Variants in UBR2 observed in about 807,000 individuals in gnomAD.
UBR2 encodes the protein E3 ubiquitin-protein ligase UBR2.
In UBR2, 92 loss-of-function variants were observed where a neutral mutation model predicts 247.9. The observed-to-expected ratio is 0.37, with a 90% CI of 0.31 to 0.44. The LOEUF (loss-of-function observed/expected upper bound fraction) is 0.44, where lower values mean the gene tolerates loss of function less well. UBR2 is among the 20% of genes least tolerant of loss of function. The pLI, the probability that UBR2 is intolerant of heterozygous loss-of-function variation, is 1.00. For synonymous variants in UBR2, 672 were observed against 693.5 expected (o/e 0.97, Z 0.49); for missense variants, 1,613 against 2,112.6 (o/e 0.76, Z 4.64).
At chr6:42,632,954 T>C in intron 13 of UBR2, 50 bp downstream of exon 13, 2 of 1,052,264 alleles carry the variant, frequency 1.9e-6, no homozygotes, top group Non-Finnish European at 2.5e-6. Flanking sequence ...TTTTTCTCTT[T>C]TCTCTTTTTT....
At chr6:42,646,817 AT>A (rs1796788106) in intron 21 of UBR2, among the ~76,000 whole-genome samples, 1 of 148,150 alleles carries the variant, frequency 6.7e-6, no homozygotes, top group African/African-American at 2.6e-5. Flanking sequence ...TTATATATAT[AT>A]ATAGAGAGAG....
chr6:42,644,197 T>C lies in UBR2; in HGVS notation c.2098-17T>C, dbSNP rs1441706786. ...TTCCTCTTTTCCTTTATCTCAAACA[T>C]TAAAAAAAAAAAAAAGACAGGTGTC... On this transcript the variant is annotated splice_polypyrimidine_tract_variant and intron_variant, in intron 18 of 46. Coordinates refer to ENST00000372901, the MANE Select transcript of UBR2 (RefSeq NM_001363705.2). 6.4e-7 allele frequency: 1 copy of C among 1,569,960 alleles called. No individual in the cohort carries two copies. The highest frequency in any genetic ancestry group is 1.2e-5 in the South Asian group (1 of 84,196).
chr6:42,665,410 A>T lies in UBR2; in HGVS notation c.3700A>T (p.Arg1234Trp), dbSNP rs1562378782. The T allele has an allele frequency of 6.2e-7, 1 of 1,605,766 alleles. No homozygotes were observed. The highest frequency in any genetic ancestry group is 8.5e-7 in the Non-Finnish European group (1 of 1,173,580). Reference sequence around the variant, plus strand: ...AATACTCTCTATAATCTTTTCTAGCAGGTTAAATTTTTCAGACCAACCAAA... The same window carrying T: ...AATACTCTCTATAATCTTTTCTAGCTGGTTAAATTTTTCAGACCAACCAAA... The part of the protein sequence containing the change: ...LLPPRNIFNN[R>W]LNFSDQPNLT... Residue 1234 changes from arginine (R) to tryptophan (W), a missense_variant and splice_region_variant, in exon 33 of 47, where the codon AGG becomes TGG. Arg to Trp is a moderately radical substitution (Grantham distance 101). This residue lies in a region of UBR2 where 1,524 missense variants were observed against 1,967.3 expected (regional missense o/e 0.77). Coordinates refer to ENST00000372901, the MANE Select transcript of UBR2 (RefSeq NM_001363705.2).
Position 42,676,884 on chromosome 6 carries a change from T to G in UBR2, c.4478+11T>G. The G allele has an allele frequency of 6.3e-7, 1 of 1,593,746 alleles. No homozygotes were observed. Among genetic ancestry groups the G allele is most frequent in the Non-Finnish European group, 8.6e-7 (1 of 1,161,754 alleles). On this transcript the variant is annotated intron_variant, in intron 40 of 46. Coordinates refer to ENST00000372901, the MANE Select transcript of UBR2 (RefSeq NM_001363705.2). ...CCAGTATACGGGAAGGTGAGTTAGT[T>G]ATCTTTACATAACGCATTTCCCTAA...
At chr6:42,650,412 C>A in intron 23 of UBR2, 26 bp downstream of exon 23, 1 of 1,573,290 alleles carries the variant, frequency 6.4e-7, no homozygotes, top group Non-Finnish European at 8.7e-7. Context: ...AAAAATGTAG[C>A]AGGGAAGGAT....
chr6:42,628,104 T>G (rs1298988372), intron 11 of UBR2, among the ~76,000 whole-genome samples: 1 of 152,152 alleles, frequency 6.6e-6, no homozygotes, highest in Admixed American at 6.5e-5. Flanking sequence ...CACCTCCTTG[T>G]GCAGTTCCCT....
chr6:42,605,343 A>G (rs189515416), intron 5 of UBR2, among the ~76,000 whole-genome samples: 2 of 152,286 alleles, frequency 1.3e-5, no homozygotes, highest in East Asian at 1.9e-4. Context: ...CTTGACAACC[A>G]GAAATGTCTC....
At chr6:42,681,162 C>CAAAAAAAAA (rs59312824) in intron 42 of UBR2, among the ~76,000 whole-genome samples, 1 of 50,590 alleles carries the variant, frequency 2.0e-5, no homozygotes, top group Non-Finnish European at 4.6e-5. Flanking sequence ...GACTCCGTCT[C>CAAAAAAAAA]AAAAAAAAAA....
chr6:42,613,653 T>G (rs1794233257), intron 8 of UBR2, among the ~76,000 whole-genome samples: 1 of 152,176 alleles, frequency 6.6e-6, no homozygotes, highest in Admixed American at 6.5e-5. Flanking sequence ...GATACCTGCA[T>G]GCCAAGTGTT....
chr6:42,624,515 G>C (rs1228668848), intron 11 of UBR2, among the ~76,000 whole-genome samples: 3 of 152,068 alleles, frequency 2.0e-5, no homozygotes, highest in Non-Finnish European at 4.4e-5. Flanking sequence ...AATTCACTGA[G>C]ACCACGGCAT....
At chr6:42,614,431 T>TGTATGTACGTACGTACATACATAC (rs1562312347) in intron 8 of UBR2, among the ~76,000 whole-genome samples, 28 of 81,924 alleles carry the variant, frequency 3.4e-4, no homozygotes, top group South Asian at 7.7e-4. Context: ...TACATATATA[T>TGTATGTACGTACGTACATACATAC]GTATGTACGT....
At chr6:42,613,478 C>CTGG (rs1245722711) in intron 8 of UBR2, among the ~76,000 whole-genome samples, 1 of 152,136 alleles carries the variant, frequency 6.6e-6, no homozygotes, top group Non-Finnish European at 1.5e-5. Flanking sequence ...TCATAACACT[C>CTGG]TGGGAGGCTG....
chr6:42,598,008 T>C (rs1426851717), intron 4 of UBR2, among the ~76,000 whole-genome samples: 1 of 152,196 alleles, frequency 6.6e-6, no homozygotes, highest in Non-Finnish European at 1.5e-5. Context: ...TGAACATAAT[T>C]TTTTTGTCAT....
chr6:42,621,970 A>T (rs1159476984), intron 11 of UBR2, among the ~76,000 whole-genome samples: 1 of 152,046 alleles, frequency 6.6e-6, no homozygotes, highest in Non-Finnish European at 1.5e-5. Flanking sequence ...TTTTAAAAAA[A>T]TTTCTTTCAA....
chr6:42,663,259 T>C lies in UBR2; in HGVS notation c.3538T>C (p.Tyr1180His). 6.2e-7 allele frequency: 1 copy of C among 1,600,334 alleles called. No homozygotes were observed. The highest frequency in any genetic ancestry group is 8.5e-7 in the Non-Finnish European group (1 of 1,173,842). ...ACCTCATGTTCTCTAATTGTAAAGG[T>C]ATTTTGATTCCGTTCAAGCTAAAGA... ...HIMHAHCWQR[Y>H]FDSVQAKEQR... Residue 1180 changes from tyrosine (Y) to histidine (H), a missense_variant and splice_region_variant, in exon 32 of 47, where the codon TAT becomes CAT. Around this residue, in one of 3 missense-constraint regions of UBR2, gnomAD observed 1,524 missense variants for 1,967.3 expected, o/e 0.77. Transcript: ENST00000372901.
In UBR2 at chr6:42,636,885, G is replaced by A; in HGVS notation, c.1675-126G>A. 3.1e-6 allele frequency: 3 copies of A among 960,892 alleles called. No individual in the cohort carries two copies. The South Asian group carries it at 5.5e-5, about 18-fold the overall frequency. 59.5% of individuals were successfully genotyped at this position (960,892 alleles called of 1,614,324 possible). On this transcript the variant is annotated intron_variant, in intron 14 of 46. Transcript: ENST00000372901. ...CTGGAAGAGGGACCAAATTTGGGAGGGAGGATTGAGTTTGGTTTTGCCTAT... is the reference window on the plus strand; with the variant it reads ...CTGGAAGAGGGACCAAATTTGGGAGAGAGGATTGAGTTTGGTTTTGCCTAT...
chr6:42,653,565 T>TA (rs1797245887), intron 25 of UBR2, among the ~76,000 whole-genome samples: 1 of 151,120 alleles, frequency 6.6e-6, no homozygotes, highest in Non-Finnish European at 1.5e-5. Context: ...AATTATTCAT[T>TA]AAATAGAATG....
At chr6:42,677,518 C>G (rs966688449) in intron 40 of UBR2, among the ~76,000 whole-genome samples, 1 of 152,214 alleles carries the variant, frequency 6.6e-6, no homozygotes, top group Non-Finnish European at 1.5e-5. Context: ...TGTCTCACCC[C>G]TATAATCCCA....
intron 2 of UBR2, among the ~76,000 whole-genome samples, chr6:42,585,436 A>G (rs1469402425): frequency 6.6e-6 from 1 of 152,172 alleles, no homozygotes; most frequent in African/African-American, 2.4e-5. Flanking sequence ...TGTTAGGGTT[A>G]TACTGGCCTT....
Sources: allele counts gnomAD v4.1 joint callset (sites outside exome capture counted in the v4.1 genomes callset), GRCh38; gene constraint gnomAD v4.1.1; regional missense constraint gnomAD v4.1.1; transcripts MANE v1.5; gene names NCBI Gene and HGNC (gene_info 2026-07-23, HGNC 2026-07-21).